NUP37: variants seen among roughly 807,000 people sequenced by gnomAD.
NUP37 encodes the protein nucleoporin 37.
A neutral mutation model predicts 45.4 loss-of-function variants in NUP37; 33 were observed. The ratio of observed to expected loss-of-function variants is 0.73; its 90% confidence interval spans 0.55 to 0.97. The LOEUF (loss-of-function observed/expected upper bound fraction) is 0.97, where lower values mean the gene tolerates loss of function less well. Among genes scored for constraint, NUP37 ranks in the 50% least tolerant of loss-of-function variants. NUP37 has a pLI of 0.00. For synonymous variants in NUP37, 127 were observed against 130.7 expected, an observed-to-expected ratio of 0.97 and a Z score of 0.19; for missense variants, 365 against 389.7, an observed-to-expected ratio of 0.94 and a Z score of 0.53.
At chr12:102,096,958 C>T (rs1228608410) in intron 5 of NUP37, among the ~76,000 whole-genome samples, 7 of 151,606 alleles carry the variant, frequency 4.6e-5, no homozygotes, top group Non-Finnish European at 1.0e-4. Flanking sequence ...TGTGCATCAA[C>T]CCGAAAATCT....
chr12:102,100,095 A>C (rs1414852510), intron 4 of NUP37, among the ~76,000 whole-genome samples: 3 of 152,202 alleles, frequency 2.0e-5, no homozygotes, highest in Non-Finnish European at 4.4e-5. Flanking sequence ...AAGACAAACT[A>C]AATTAACCGT....
intron 3 of NUP37, among the ~76,000 whole-genome samples, chr12:102,107,090 A>G (rs2136748482): frequency 6.6e-6 from 1 of 152,224 alleles, no homozygotes; most frequent in South Asian, 2.1e-4. Flanking sequence ...TGGATTTGAG[A>G]CTTATCTCCT....
intron 2 of NUP37, among the ~76,000 whole-genome samples, chr12:102,112,545 C>G (rs1354723000): frequency 5.3e-5 from 8 of 151,984 alleles, no homozygotes; most frequent in Non-Finnish European, 1.2e-4. Flanking sequence ...GTCTATAATC[C>G]CAACACTTTG....
At chr12:102,099,883 T>G (rs1879922534) in intron 4 of NUP37, among the ~76,000 whole-genome samples, 1 of 152,202 alleles carries the variant, frequency 6.6e-6, no homozygotes, top group African/African-American at 2.4e-5. Context: ...TCATTCTTTC[T>G]ACCCTTCCTT....
intron 5 of NUP37, among the ~76,000 whole-genome samples, chr12:102,089,921 A>AT (rs1438552784): frequency 6.6e-6 from 1 of 152,130 alleles, no homozygotes; most frequent in African/African-American, 2.4e-5. Flanking sequence ...GCCGTCTTGC[A>AT]TATGTCTTTT....
At chr12:102,077,562 G>A (rs1401563008) in intron 6 of NUP37, 59 bp from the exon 7 acceptor site, 5 of 1,455,646 alleles carry the variant, frequency 3.4e-6, no homozygotes, top group African/African-American at 2.8e-5. Context: ...TATACCTGAA[G>A]TGTAAGCAGA....
At chr12:102,098,316 C>T (rs532946568) in intron 5 of NUP37, among the ~76,000 whole-genome samples, 8 of 152,266 alleles carry the variant, frequency 5.3e-5, no homozygotes, top group African/African-American at 1.7e-4. Context: ...GGTAGAAGAA[C>T]ATAATAGTTA....
chr12:102,111,166 CA>C (rs1880305351), intron 3 of NUP37, among the ~76,000 whole-genome samples: 1 of 152,074 alleles, frequency 6.6e-6, no homozygotes, highest in Non-Finnish European at 1.5e-5. Flanking sequence ...GGAAAAATTG[CA>C]AAAACAAGCC....
intron 3 of NUP37, among the ~76,000 whole-genome samples, chr12:102,108,377 T>C (rs1363595156): frequency 6.6e-6 from 1 of 152,154 alleles, no homozygotes; most frequent in Non-Finnish European, 1.5e-5. Flanking sequence ...CTTACACCAG[T>C]GGTTTGTCAG....
intron 6 of NUP37, among the ~76,000 whole-genome samples, chr12:102,079,640 A>C (rs1165638038): frequency 6.6e-6 from 1 of 152,172 alleles, no homozygotes; most frequent in Non-Finnish European, 1.5e-5. Flanking sequence ...TACCTAACAC[A>C]TTTATTTTCT....
chr12:102,082,390 G>A (rs1014508395), intron 6 of NUP37, among the ~76,000 whole-genome samples: 1 of 152,150 alleles, frequency 6.6e-6, no homozygotes, highest in Non-Finnish European at 1.5e-5. Flanking sequence ...GCACTGAAAC[G>A]ACTGTAGAGC....
chr12:102,077,038 C>A, intron 7 of NUP37, 191 bp from the exon 8 acceptor site: 1 of 609,014 alleles, frequency 1.6e-6, no homozygotes, highest in Non-Finnish European at 2.9e-6. Flanking sequence ...CTGCAGGGAA[C>A]CATCATGCAA....
intron 4 of NUP37, among the ~76,000 whole-genome samples, 161 bp downstream of exon 4, chr12:102,100,867 TAAGC>T (rs946855587): frequency 1.3e-5 from 2 of 152,162 alleles, no homozygotes; most frequent in Non-Finnish European, 2.9e-5. Context: ...AATAATATAG[TAAGC>T]TAGTTATTAT....
intron 3 of NUP37, among the ~76,000 whole-genome samples, chr12:102,109,101 C>A (rs1035382502): frequency 1.3e-5 from 2 of 152,204 alleles, no homozygotes; most frequent in Non-Finnish European, 2.9e-5. Context: ...TGTGTTGCCC[C>A]ACTTTTCTTT....
intron 4 of NUP37, among the ~76,000 whole-genome samples, chr12:102,100,378 C>A (rs943621240): frequency 3.3e-5 from 5 of 152,098 alleles, no homozygotes; most frequent in Admixed American, 3.3e-4. Flanking sequence ...AAACATGATG[C>A]AATTTTGACC....
At chr12:102,117,810 G>T (rs1880508013) in intron 2 of NUP37, among the ~76,000 whole-genome samples, 1 of 152,174 alleles carries the variant, frequency 6.6e-6, no homozygotes, top group Admixed American at 6.5e-5. Context: ...AGTAAAGCAG[G>T]AGTAAACATG....
chr12:102,079,062 T>C, intron 6 of NUP37: 1 of 383,690 alleles, frequency 2.6e-6, no homozygotes, highest in Non-Finnish European at 5.1e-6. Flanking sequence ...TCCTTACTTT[T>C]AAGCAGTGTT....
At chr12:102,086,319 A>G (rs1373820043) in intron 5 of NUP37, among the ~76,000 whole-genome samples, 1 of 152,302 alleles carries the variant, frequency 6.6e-6, no homozygotes, top group African/African-American at 2.4e-5. Flanking sequence ...AGAAGCTAAT[A>G]TGAAGTTATG....
chr12:102,083,369 T>G (rs73185910), intron 6 of NUP37, among the ~76,000 whole-genome samples: 5,979 of 152,310 alleles, frequency 0.039, 167 homozygotes, highest in African/African-American at 0.072. Context: ...ATTTCACTCA[T>G]GCACATATGC....
Sources: allele counts gnomAD v4.1 joint callset (sites outside exome capture counted in the v4.1 genomes callset), GRCh38; gene constraint gnomAD v4.1.1; transcripts MANE v1.5; gene names NCBI Gene and HGNC (gene_info 2026-07-23, HGNC 2026-07-21).